ALKBH8: variants seen among roughly 807,000 people sequenced by gnomAD.
ALKBH8 encodes alkB homolog 8, tRNA methyltransferase, also known as tRNA (carboxymethyluridine(34)-5-O)-methyltransferase ALKBH8.
A neutral mutation model predicts 59.8 loss-of-function variants in ALKBH8; 36 were observed. The ratio of observed to expected loss-of-function variants is 0.60; its 90% CI spans 0.46 to 0.79. The LOEUF is 0.79. ALKBH8 is among the 30% of genes least tolerant of loss of function. ALKBH8 has a pLI of 0.00. For synonymous variants in ALKBH8, 276 were observed against 273.6 expected (o/e 1.01, Z -0.09); for missense variants, 768 against 801.0 (o/e 0.96, Z 0.50).
At chr11:107,542,516 C>T (rs1864082595) in intron 7 of ALKBH8, among the ~76,000 whole-genome samples, 2 of 152,136 alleles carry the variant, frequency 1.3e-5, no homozygotes, top group African/African-American at 4.8e-5. Flanking sequence ...CTTGGGACGT[C>T]AGTTATATCT....
chr11:107,512,559 C>T (rs547829385), intron 10 of ALKBH8, among the ~76,000 whole-genome samples: 2 of 152,160 alleles, frequency 1.3e-5, no homozygotes, highest in South Asian at 2.1e-4. Flanking sequence ...GTCATCTGCC[C>T]GTCTTGGCCT....
At chr11:107,542,066 T>C (rs996509775) in intron 7 of ALKBH8, among the ~76,000 whole-genome samples, 14 of 151,452 alleles carry the variant, frequency 9.2e-5, no homozygotes, top group Middle Eastern at 6.8e-3. Flanking sequence ...AGACAAAAGA[T>C]AGAAAACACA....
At chr11:107,505,660 G>A (rs1460108008) in intron 11 of ALKBH8, among the ~76,000 whole-genome samples, 1 of 152,202 alleles carries the variant, frequency 6.6e-6, no homozygotes. Context: ...AACCAGAAAG[G>A]CTGGGTGAAA....
In ALKBH8 at chr11:107,503,627, TAA is replaced by T. The variant is rs1862261710; in HGVS notation, c.*1029_*1030del. ...CTATTATGCAATATTGTACAGATCT[TAA>T]AAATAACCCGATTGAACCTGGATTG... is the stretch of plus-strand genomic sequence containing the variant. On this transcript the variant is annotated 3_prime_UTR_variant, in exon 12 of 12. Coordinates refer to ENST00000428149, the MANE Select transcript of ALKBH8 (RefSeq NM_138775.3). 6.6e-6 allele frequency: 1 copy of T among 152,114 alleles called. No individual in the cohort carries two copies. 9.4% of individuals were successfully genotyped at this position (152,114 alleles called of 1,614,324 possible). A position where few individuals can be genotyped will look rare whatever the true frequency, so the allele number is the denominator to read the frequency against.
intron 10 of ALKBH8, among the ~76,000 whole-genome samples, chr11:107,512,591 G>A (rs1862682828): frequency 6.6e-6 from 1 of 152,182 alleles, no homozygotes; most frequent in Non-Finnish European, 1.5e-5. Context: ...GGGATTACAG[G>A]CATGAACCAC....
chr11:107,547,860 G>C (rs185676254), intron 7 of ALKBH8, among the ~76,000 whole-genome samples: 81 of 152,242 alleles, frequency 5.3e-4, no homozygotes, highest in African/African-American at 1.8e-3. Context: ...TGCTTCCAGA[G>C]ACACCAAATA....
intron 7 of ALKBH8, 48 bp downstream of exon 7, chr11:107,549,705 T>G (rs1864413982): frequency 2.4e-6 from 3 of 1,275,466 alleles, no homozygotes; most frequent in Non-Finnish European, 3.3e-6. Flanking sequence ...AAAAGGGCAT[T>G]GTACAAGGTA....
At chr11:107,520,122 A>G (rs1863046256) in intron 10 of ALKBH8, among the ~76,000 whole-genome samples, 1 of 152,284 alleles carries the variant, frequency 6.6e-6, no homozygotes, top group South Asian at 2.1e-4. Context: ...CAGACATAGC[A>G]CTGTATATAT....
chr11:107,560,601 G>A (rs1428433587), intron 2 of ALKBH8, among the ~76,000 whole-genome samples, 164 bp downstream of exon 2: 2 of 152,028 alleles, frequency 1.3e-5, no homozygotes, highest in Admixed American at 1.3e-4. Flanking sequence ...TATAGGCTAT[G>A]GACCAAAATA....
At chr11:107,509,458 T>C (rs927081737) in intron 11 of ALKBH8, among the ~76,000 whole-genome samples, 1 of 152,226 alleles carries the variant, frequency 6.6e-6, no homozygotes, top group Non-Finnish European at 1.5e-5. Flanking sequence ...GGCTACCTTT[T>C]CACTCTGCAG....
intron 11 of ALKBH8, among the ~76,000 whole-genome samples, chr11:107,510,509 A>G (rs1862576627): frequency 6.6e-6 from 1 of 152,148 alleles, no homozygotes; most frequent in Non-Finnish European, 1.5e-5. Context: ...GAAATACAGA[A>G]GGGACTCATA....
intron 7 of ALKBH8, among the ~76,000 whole-genome samples, chr11:107,540,456 C>T (rs1189301296): frequency 6.6e-6 from 1 of 152,192 alleles, no homozygotes; most frequent in African/African-American, 2.4e-5. Flanking sequence ...GGCTAACGGT[C>T]TAGACACACT....
chr11:107,536,530 T>C (rs1429357232), intron 7 of ALKBH8, among the ~76,000 whole-genome samples: 1 of 152,058 alleles, frequency 6.6e-6, no homozygotes, highest in East Asian at 1.9e-4. Flanking sequence ...TAAACAAAGG[T>C]CTAAAACCAG....
chr11:107,532,181 A>T, intron 8 of ALKBH8, 119 bp downstream of exon 8: 5 of 696,706 alleles, frequency 7.2e-6, no homozygotes, highest in Non-Finnish European at 1.2e-5. Flanking sequence ...AGATGCCCCT[A>T]GGAGTTCTGA....
In ALKBH8 at chr11:107,546,523, G is replaced by T. The variant is rs367593074; in HGVS notation, c.771+3230C>A. 2.6e-5 allele frequency among the ~76,000 whole-genome samples: 4 copies of T among 152,106 alleles called. No individual in the cohort carries two copies. In the East Asian group the frequency reaches 7.7e-4, roughly 29 times the overall value. Reference sequence around the variant, plus strand: ...CCTAAGCTCATCCTCAGTTAGGGGAGCACTGAGTATTTGAGATGGAAAGAA... The same window carrying T: ...CCTAAGCTCATCCTCAGTTAGGGGATCACTGAGTATTTGAGATGGAAAGAA... On this transcript the variant is annotated intron_variant, in intron 7 of 11. Transcript: ENST00000428149.
chr11:107,562,575 T>TAAA (rs1864980517), intron 1 of ALKBH8: 1 of 152,094 alleles, frequency 6.6e-6, no homozygotes, highest in Non-Finnish European at 1.5e-5. Context: ...AAAATCTTAT[T>TAAA]TATCTTATTT....
rs1167431322 is a variant in ALKBH8 at position 107,504,539 on chromosome 11, A to G, written c.*119T>C. The G allele has an allele frequency of 1.5e-6, 2 of 1,319,360 alleles. No homozygotes were observed. Among genetic ancestry groups the G allele is most frequent in the Non-Finnish European group, 2.1e-6 (2 of 943,814 alleles). 81.7% of individuals were successfully genotyped at this position (1,319,360 alleles called of 1,614,324 possible). On this transcript the variant is annotated 3_prime_UTR_variant, in exon 12 of 12. Coordinates refer to ENST00000428149, the MANE Select transcript of ALKBH8 (RefSeq NM_138775.3). ...GAATCCCTACTTCCAAATTTTTCTCAGCTTTCCTTTGGTACTTTCCCACAA... is the reference window on the plus strand; with the variant it reads ...GAATCCCTACTTCCAAATTTTTCTCGGCTTTCCTTTGGTACTTTCCCACAA...
intron 10 of ALKBH8, among the ~76,000 whole-genome samples, chr11:107,518,590 G>C (rs980831564): frequency 6.6e-6 from 1 of 152,254 alleles, no homozygotes; most frequent in Non-Finnish European, 1.5e-5. Context: ...GCTTAAAGGC[G>C]TTCTTAAACC....
intron 10 of ALKBH8, 109 bp downstream of exon 10, chr11:107,522,190 A>G: frequency 1.5e-6 from 2 of 1,301,632 alleles, no homozygotes; most frequent in Non-Finnish European, 1.0e-6. Flanking sequence ...TCTGTTGGTT[A>G]TAACTTTCTG....
Sources: gnomAD v4.1 joint callset for allele counts (sites outside exome capture counted in the v4.1 genomes callset) on GRCh38, gnomAD v4.1.1 for gene constraint, MANE v1.5 for transcripts, NCBI Gene and HGNC (gene_info 2026-07-23, HGNC 2026-07-21) for gene names.